SENP6: variants seen among roughly 807,000 people sequenced by gnomAD.
The protein encoded by SENP6 is sentrin-specific protease 6.
SENP6 carries 41 observed loss-of-function variants against 134.5 expected under a neutral mutation model. That is an observed-to-expected ratio of 0.30 (90% CI 0.24 to 0.40). The LOEUF (loss-of-function observed/expected upper bound fraction) is 0.40, where lower values mean the gene tolerates loss of function less well. Among genes scored for constraint, SENP6 ranks in the 10% least tolerant of loss-of-function variants. The pLI, the probability that SENP6 is intolerant of heterozygous loss-of-function variation, is 1.00. For missense variants in SENP6, 1,248 were observed against 1,312.5 expected (o/e 0.95, Z 0.76); for synonymous variants, 395 against 429.8 (o/e 0.92, Z 1.00).
chr6:75,674,816 T>A (rs1239600604), intron 11 of SENP6, among the ~76,000 whole-genome samples: 1 of 152,234 alleles, frequency 6.6e-6, no homozygotes, highest in Non-Finnish European at 1.5e-5. Flanking sequence ...TGAAAGACTT[T>A]TGCAGTGAAC....
intron 18 of SENP6, 102 bp from the exon 19 acceptor site, chr6:75,702,543 A>G: frequency 8.9e-7 from 1 of 1,124,946 alleles, no homozygotes; most frequent in Non-Finnish European, 1.2e-6. Flanking sequence ...TAATAAATTA[A>G]TTGGCAAGAA....
rs374458449 is a variant in SENP6 at position 75,666,773 on chromosome 6, T to G, written c.1056T>G (p.Ser352=). 41 of 1,612,108 alleles carry G rather than the reference T, an allele frequency of 2.5e-5. No homozygotes were observed. The highest frequency in any genetic ancestry group is 3.5e-5 in the Non-Finnish European group (41 of 1,178,556). ...GAACTAACAGAAGAGAAAGCATATCTCCTCAGCCTGCTGATTCAGCATGTT... is the reference window on the plus strand; with the variant it reads ...GAACTAACAGAAGAGAAAGCATATCGCCTCAGCCTGCTGATTCAGCATGTT... ...NDRTNRRESI[S]PQPADSACSS... is the part of the protein sequence containing the mutation. Residue 352 remains serine (S), a synonymous_variant, in exon 10 of 24, where the codon TCT becomes TCG. Coordinates refer to ENST00000447266, the MANE Select transcript of SENP6 (RefSeq NM_015571.4).
At chr6:75,637,394 A>C (rs988822973) in intron 5 of SENP6, among the ~76,000 whole-genome samples, 25 of 152,300 alleles carry the variant, frequency 1.6e-4, no homozygotes, top group African/African-American at 5.8e-4. Context: ...ACATTAGATT[A>C]GGTAGTCTTT....
At chr6:75,698,765 C>CTT (rs1433687763) in intron 18 of SENP6, among the ~76,000 whole-genome samples, 3 of 151,986 alleles carry the variant, frequency 2.0e-5, no homozygotes, top group Admixed American at 1.3e-4. Context: ...AATCCCAACA[C>CTT]TTTGAGAGGC....
chr6:75,703,052 T>C lies in SENP6; in HGVS notation c.2696T>C (p.Leu899Ser), dbSNP rs762478173. Residue 899 changes from leucine (L) to serine (S), a missense_variant, in exon 19 of 24, where the codon TTA becomes TCA. Leu to Ser is a moderately radical substitution (Grantham distance 145). This residue lies in a region of SENP6 where 386 missense variants were observed against 395.0 expected (regional missense o/e 0.98). Coordinates refer to ENST00000447266, the MANE Select transcript of SENP6 (RefSeq NM_015571.4). ...GAGAATGGCCTACAGAATGAAAGTTTAAGTTCCACACATCATACAGGTATG... is the reference window on the plus strand; with the variant it reads ...GAGAATGGCCTACAGAATGAAAGTTCAAGTTCCACACATCATACAGGTATG... ...KSENGLQNES[L>S]SSTHHTDGLS... 3.7e-6 allele frequency: 6 copies of C among 1,607,932 alleles called. No homozygotes were observed. The East Asian group carries it at 1.3e-4, about 36-fold the overall frequency.
Position 75,675,439 on chromosome 6 carries a change from GT to G in SENP6, c.1400del (p.Leu467Ter). Reference sequence around the variant, plus strand: ...CTAATTCATCTTTTTTTTTAGTTTTGTTTAGATTTTATCAAGATACAGCTAG... The same window carrying G: ...CTAATTCATCTTTTTTTTTAGTTTTGTTAGATTTTATCAAGATACAGCTAG... ...FRLLIEPVIF[C>X]LDFIKIQLDE... On this transcript the variant is annotated frameshift_variant, in exon 12 of 24. Transcript: ENST00000447266. LOFTEE classifies it high-confidence loss of function. 6.9e-7 allele frequency: 1 copy of G among 1,441,092 alleles called. No individual in the cohort carries two copies. The highest frequency in any genetic ancestry group is 9.5e-7 in the Non-Finnish European group (1 of 1,050,634). The allele number at this position is 1,441,092 out of a possible 1,614,324, so 89.3% of individuals were successfully genotyped here.
intron 10 of SENP6, among the ~76,000 whole-genome samples, chr6:75,669,095 A>G (rs1195057939): frequency 6.6e-6 from 1 of 152,198 alleles, no homozygotes; most frequent in African/African-American, 2.4e-5. Context: ...CACACCTGTA[A>G]TCCCAGCACT....
Position 75,697,405 on chromosome 6 carries a change from A to G in SENP6, c.2196-20A>G, listed in dbSNP as rs1047228212. On this transcript the variant is annotated intron_variant, in intron 17 of 23. Coordinates refer to ENST00000447266, the MANE Select transcript of SENP6 (RefSeq NM_015571.4). ...CACTAGAAATATTTCAGAAGCTTATAATTTATCTCTTTCTTACAGAATACA... is the reference window on the plus strand; with the variant it reads ...CACTAGAAATATTTCAGAAGCTTATGATTTATCTCTTTCTTACAGAATACA... 5.9e-6 allele frequency: 9 copies of G among 1,535,418 alleles called. No homozygotes were observed. The highest frequency in any genetic ancestry group is 8.1e-6 in the Non-Finnish European group (9 of 1,116,734).
chr6:75,651,209 T>C (rs796569805), intron 7 of SENP6, among the ~76,000 whole-genome samples: 43 of 152,300 alleles, frequency 2.8e-4, no homozygotes, highest in African/African-American at 1.0e-3. Flanking sequence ...CTCCCTTTTT[T>C]TTCAGCCTGT....
At chr6:75,612,070 A>G (rs544877005) in intron 1 of SENP6, 5 of 152,344 alleles carry the variant, frequency 3.3e-5, no homozygotes, top group Admixed American at 1.3e-4. Context: ...GACTTGAGAA[A>G]GGCTTAGCTA....
At chr6:75,633,550 T>TTGACTCATATTTC in intron 3 of SENP6, 31 bp from the exon 4 acceptor site, 1 of 1,560,208 alleles carries the variant, frequency 6.4e-7, no homozygotes. Context: ...TATAGCATTT[T>TTGACTCATATTTC]TGACTCATAT....
At chr6:75,669,860 A>T (rs1262347504) in intron 10 of SENP6, among the ~76,000 whole-genome samples, 2 of 152,212 alleles carry the variant, frequency 1.3e-5, no homozygotes, top group Non-Finnish European at 2.9e-5. Context: ...AACTCAGTTG[A>T]GTGGGTACTC....
chr6:75,619,836 T>C (rs1768130762), intron 1 of SENP6, among the ~76,000 whole-genome samples: 1 of 152,088 alleles, frequency 6.6e-6, no homozygotes, highest in Admixed American at 6.6e-5. Flanking sequence ...CACACCTGTA[T>C]TCCCAGCACT....
At chr6:75,662,189 C>G (rs1771831357) in intron 8 of SENP6, among the ~76,000 whole-genome samples, 1 of 152,156 alleles carries the variant, frequency 6.6e-6, no homozygotes, top group African/African-American at 2.4e-5. Context: ...TGGGTAGAGT[C>G]TTGCAGATAG....
chr6:75,642,887 A>G (rs962988953), intron 6 of SENP6, among the ~76,000 whole-genome samples: 1 of 152,210 alleles, frequency 6.6e-6, no homozygotes, highest in South Asian at 2.1e-4. Flanking sequence ...TATCTCAGCA[A>G]GGTCTAGGAG....
intron 7 of SENP6, among the ~76,000 whole-genome samples, chr6:75,651,439 C>T (rs879870522): frequency 1.6e-4 from 25 of 152,276 alleles, no homozygotes; most frequent in South Asian, 2.1e-4. Flanking sequence ...ACTGCAGCCT[C>T]GACCTCCTAG....
chr6:75,683,306 C>A (rs1378654129), intron 16 of SENP6, among the ~76,000 whole-genome samples: 1 of 151,978 alleles, frequency 6.6e-6, no homozygotes, highest in African/African-American at 2.4e-5. Flanking sequence ...GATATTAGCC[C>A]TTTGTCAGAT....
intron 1 of SENP6, among the ~76,000 whole-genome samples, chr6:75,618,301 A>G (rs1371901769): frequency 6.7e-6 from 1 of 149,732 alleles, no homozygotes; most frequent in Admixed American, 6.6e-5. Context: ...GGATTCGGGA[A>G]TGTTTATTTT....
intron 7 of SENP6, 90 bp downstream of exon 7, chr6:75,647,891 C>A: frequency 1.0e-6 from 1 of 983,186 alleles, no homozygotes; most frequent in Non-Finnish European, 1.5e-6. Flanking sequence ...TTAGAATATT[C>A]CCAGGTATAA....
Sources: gnomAD v4.1 joint callset for allele counts (sites outside exome capture counted in the v4.1 genomes callset) on GRCh38, gnomAD v4.1.1 for gene constraint, gnomAD v4.1.1 regional missense constraint, MANE v1.5 for transcripts, NCBI Gene and HGNC (gene_info 2026-07-23, HGNC 2026-07-21) for gene names.